ZNF438: variants seen among roughly 807,000 people sequenced by gnomAD.
The protein encoded by ZNF438 is zinc finger protein 438.
Under a neutral mutation model 38.0 loss-of-function variants are expected in ZNF438, and 25 were observed. The ratio of observed to expected loss-of-function variants is 0.66; its 90% CI spans 0.48 to 0.92. The LOEUF (loss-of-function observed/expected upper bound fraction) is 0.92, where lower values mean the gene tolerates loss of function less well. Ranked by LOEUF, ZNF438 falls within the 40% of genes least tolerant of loss-of-function variation. The pLI is 0.00. For missense variants in ZNF438, 1,007 were observed against 999.6 expected (o/e 1.01, Z -0.10); for synonymous variants, 372 against 364.1 (o/e 1.02, Z -0.25).
At chr10:31,031,901 A>C (rs928294277) in exon 1 of ZNF438, 2 of 152,440 alleles carry the variant, frequency 1.3e-5, no homozygotes, top group African/African-American at 4.8e-5. Context: ...AGGTCAAGCC[A>C]CGGGGCGCGG....
chr10:30,954,684 C>T (rs1223574468), intron 1 of ZNF438, among the ~76,000 whole-genome samples: 1 of 152,046 alleles, frequency 6.6e-6, no homozygotes, highest in Non-Finnish European at 1.5e-5. Context: ...AAAAAAAATG[C>T]CTCTCTAAAA....
At chr10:30,846,213 A>G (rs1328579547) in intron 5 of ZNF438, among the ~76,000 whole-genome samples, 1 of 152,204 alleles carries the variant, frequency 6.6e-6, no homozygotes, top group Non-Finnish European at 1.5e-5. Flanking sequence ...ATTTGGCAAG[A>G]GCGTCTGTTT....
chr10:30,977,715 T>C (rs1225409895), intron 1 of ZNF438, among the ~76,000 whole-genome samples: 6 of 152,140 alleles, frequency 3.9e-5, no homozygotes, highest in African/African-American at 1.4e-4. Context: ...CCCGGCACGG[T>C]GGCTCACGTC....
chr10:30,885,228 T>G (rs1379857185), intron 3 of ZNF438, among the ~76,000 whole-genome samples: 1 of 152,202 alleles, frequency 6.6e-6, no homozygotes, highest in Admixed American at 6.5e-5. Flanking sequence ...CATAACAGGC[T>G]TTTCTTTATA....
chr10:30,906,769 A>G (rs975631017), intron 3 of ZNF438, among the ~76,000 whole-genome samples: 3 of 152,204 alleles, frequency 2.0e-5, no homozygotes, highest in Non-Finnish European at 4.4e-5. Flanking sequence ...CAGTGTTTGT[A>G]TGATAAAAGG....
chr10:31,029,889 C>T (rs2057174621), intron 1 of ZNF438, among the ~76,000 whole-genome samples: 1 of 152,206 alleles, frequency 6.6e-6, no homozygotes, highest in Non-Finnish European at 1.5e-5. Flanking sequence ...TGTGCTGTTC[C>T]TGCTGTGAGG....
chr10:31,013,807 A>G (rs2055951635), intron 1 of ZNF438, among the ~76,000 whole-genome samples: 1 of 152,184 alleles, frequency 6.6e-6, no homozygotes, highest in African/African-American at 2.4e-5. Context: ...TCATTTAAAA[A>G]AATGAACCAA....
exon 5 of ZNF438, chr10:30,849,026 A>C (rs1264290639): frequency 6.2e-7 from 1 of 1,614,088 alleles, no homozygotes; most frequent in Non-Finnish European, 8.5e-7. Context: ...GCCCCCAAGC[A>C]TCTGGGACTG....
intron 2 of ZNF438, among the ~76,000 whole-genome samples, chr10:30,915,239 C>A (rs186988507): frequency 3.3e-5 from 5 of 152,066 alleles, no homozygotes; most frequent in Admixed American, 2.6e-4. Context: ...TCATTTAGAA[C>A]CTTAACTTCA....
upstream of ZNF438, among the ~76,000 whole-genome samples, chr10:31,032,169 A>G (rs1306787606): frequency 2.0e-5 from 3 of 152,168 alleles, no homozygotes; most frequent in Non-Finnish European, 4.4e-5. Context: ...GGGGACGGAG[A>G]CCTTCAGAAA....
In ZNF438 at chr10:30,897,877, T is replaced by G. The variant is rs766383379; in HGVS notation, c.-32+11056A>C. ...GATCTAAACCGCTGACAGAGATTGT[T>G]CACCTCCAGACTGCATCCTCTAACA... On this transcript the variant is annotated intron_variant, in intron 3 of 5. Coordinates refer to ENST00000413025, the Ensembl canonical transcript of ZNF438. 6.6e-4 allele frequency among the ~76,000 whole-genome samples: 101 copies of G among 152,308 alleles called. 1 individual carries two copies. Among genetic ancestry groups the G allele is most frequent in the Non-Finnish European group, 1.2e-3 (84 of 68,022 alleles).
chr10:30,884,654 G>T (rs2039714978), intron 3 of ZNF438, among the ~76,000 whole-genome samples: 1 of 152,140 alleles, frequency 6.6e-6, no homozygotes, highest in South Asian at 2.1e-4. Context: ...ATGATAGCAA[G>T]ATCTAATACA....
chr10:31,007,276 G>GTTT (rs60434764), intron 1 of ZNF438, among the ~76,000 whole-genome samples: 80 of 112,336 alleles, frequency 7.1e-4, no homozygotes, highest in Non-Finnish European at 1.1e-3. Flanking sequence ...TTTTTTTGGT[G>GTTT]TTTTTTTTTT....
intron 1 of ZNF438, among the ~76,000 whole-genome samples, chr10:30,969,422 T>C (rs1274193882): frequency 6.6e-6 from 1 of 151,746 alleles, no homozygotes; most frequent in East Asian, 1.9e-4. Flanking sequence ...TGATGGTTAA[T>C]TTCTTGAACA....
At position 30,902,267 on chromosome 10, in the gene ZNF438, G is replaced by A. The variant is rs1465001172; in HGVS notation, c.-32+6666C>T. Among the ~76,000 whole-genome samples the A allele has an allele frequency of 2.6e-5, 4 of 152,186 alleles. No homozygotes were observed. In the East Asian group the frequency reaches 7.7e-4, roughly 29 times the overall value. On this transcript the variant is annotated intron_variant, in intron 3 of 5. Transcript: ENST00000413025. Reference sequence around the variant, plus strand: ...AGAGCTGATTGGTCCATTTTGACAGGGTGCTGATTGGTGTGTTTACAATCC... The same window carrying A: ...AGAGCTGATTGGTCCATTTTGACAGAGTGCTGATTGGTGTGTTTACAATCC...
intron 2 of ZNF438, among the ~76,000 whole-genome samples, chr10:30,941,146 A>G (rs539390335): frequency 2.6e-5 from 4 of 152,182 alleles, no homozygotes; most frequent in African/African-American, 9.6e-5. Context: ...ATCTCAGCTC[A>G]TTGCAACCTC....
chr10:30,873,562 A>C (rs188560966), intron 4 of ZNF438, among the ~76,000 whole-genome samples: 40 of 152,344 alleles, frequency 2.6e-4, no homozygotes, highest in Non-Finnish European at 1.8e-4. Context: ...GACCAGCCTC[A>C]AAATCTCTGG....
chr10:30,948,933 C>G (rs2135718403), intron 1 of ZNF438, among the ~76,000 whole-genome samples: 1 of 152,104 alleles, frequency 6.6e-6, no homozygotes, highest in African/African-American at 2.4e-5. Flanking sequence ...AGAGCAACTC[C>G]AAGACACATA....
intron 4 of ZNF438, among the ~76,000 whole-genome samples, chr10:30,851,082 A>T (rs2033535478): frequency 6.6e-6 from 1 of 152,254 alleles, no homozygotes; most frequent in Non-Finnish European, 1.5e-5. Context: ...AGTATTAAAA[A>T]AGCTGATGTG....
Sources: gnomAD v4.1 joint callset for allele counts (sites outside exome capture counted in the v4.1 genomes callset) on GRCh38, gnomAD v4.1.1 for gene constraint, MANE v1.5 for transcripts, NCBI Gene and HGNC (gene_info 2026-07-23, HGNC 2026-07-21) for gene names.